Variants in AKAP6 observed in about 807,000 individuals in gnomAD.
The protein encoded by AKAP6 is A-kinase anchoring protein 6.
In AKAP6, 58 loss-of-function variants were observed where a neutral mutation model predicts 188.5. The observed-to-expected ratio is 0.31, with a 90% CI of 0.25 to 0.38. The LOEUF (loss-of-function observed/expected upper bound fraction) is 0.38. AKAP6 is among the 10% of genes least tolerant of loss of function. The pLI, the probability that AKAP6 is intolerant of heterozygous loss-of-function variation, is 1.00. For missense variants in AKAP6, 2,710 were observed against 2,740.0 expected, an observed-to-expected ratio of 0.99 and a Z score of 0.24; for synonymous variants, 989 against 998.6, an observed-to-expected ratio of 0.99 and a Z score of 0.18.
chr14:32,425,266 A>G (rs1236319917), intron 1 of AKAP6, among the ~76,000 whole-genome samples: 1 of 151,834 alleles, frequency 6.6e-6, no homozygotes, highest in South Asian at 2.1e-4. Flanking sequence ...TTTTTTTCAT[A>G]TGATTGTTGG....
intron 2 of AKAP6, among the ~76,000 whole-genome samples, chr14:32,499,184 G>C (rs1440047126): frequency 6.6e-6 from 1 of 152,102 alleles, no homozygotes; most frequent in African/African-American, 2.4e-5. Context: ...CATCTTGGCT[G>C]TTAGCAATGT....
intron 9 of AKAP6, among the ~76,000 whole-genome samples, chr14:32,701,118 A>G (rs973243793): frequency 6.6e-6 from 1 of 152,166 alleles, no homozygotes; most frequent in Non-Finnish European, 1.5e-5. Context: ...ATATAATACA[A>G]TGGCTACTAA....
chr14:32,823,053 CTGA>C lies in AKAP6; in HGVS notation c.5247_5249del (p.Asp1749del). The C allele has an allele frequency of 6.2e-7, 1 of 1,613,870 alleles. No individual in the cohort carries two copies. Among genetic ancestry groups the C allele is most frequent in the South Asian group, 1.1e-5 (1 of 91,080 alleles). ...AATGTCTCTTGCACCTCTGCTTGCA[CTGA>C]TGATGAAGATGACAGCGACCTGCTC... On this transcript the variant is annotated inframe_deletion, in exon 13 of 14. Transcript: ENST00000280979.
rs181287774 is a variant in AKAP6, at chr14:32,374,099, C to T, written c.-35+44691C>T. ...AAAACTTTGCGTAAGGAATAGCATACTTCTTAGTCTGGTGTTCAGTTTAAT... is the reference window on the plus strand; with the variant it reads ...AAAACTTTGCGTAAGGAATAGCATATTTCTTAGTCTGGTGTTCAGTTTAAT... On this transcript the variant is annotated intron_variant, in intron 1 of 13. Coordinates refer to ENST00000280979, the MANE Select transcript of AKAP6 (RefSeq NM_004274.5). Among the ~76,000 whole-genome samples, 15 of 152,308 alleles carry T rather than the reference C, an allele frequency of 9.8e-5. No homozygotes were observed. The South Asian group carries it at 2.1e-3, about 21-fold the overall frequency.
In AKAP6 at chr14:32,476,784, C is replaced by G. The variant is rs139699389; in HGVS notation, c.324+42967C>G. 2.4e-3 allele frequency among the ~76,000 whole-genome samples: 362 copies of G among 152,250 alleles called. 1 individual carries two copies. The highest frequency in any genetic ancestry group is 8.3e-3 in the African/African-American group (345 of 41,552). On this transcript the variant is annotated intron_variant, in intron 2 of 13. Transcript: ENST00000280979. ...AAAGTGAAGCATTTATAGCAGGATG[C>G]CAAGCAAGGAGAATCAGCAGCTCAC...
At chr14:32,346,730 G>A (rs1264990202) in intron 1 of AKAP6, among the ~76,000 whole-genome samples, 13 of 152,144 alleles carry the variant, frequency 8.5e-5, no homozygotes, top group Non-Finnish European at 1.0e-4. Context: ...GGATGGTCTC[G>A]ATCTCCTGAC....
intron 7 of AKAP6, among the ~76,000 whole-genome samples, chr14:32,609,182 T>G (rs1375983593): frequency 6.6e-6 from 1 of 152,158 alleles, no homozygotes; most frequent in Non-Finnish European, 1.5e-5. Context: ...CTCAGCACCC[T>G]AAATACTCCA....
In AKAP6 at chr14:32,730,140, CT is replaced by C. The variant is rs371403119; in HGVS notation, c.3001-2312del. Among the ~76,000 whole-genome samples the C allele has an allele frequency of 1.4e-4, 21 of 152,212 alleles. No individual in the cohort carries two copies. In the East Asian group the frequency reaches 3.9e-3, roughly 28 times the overall value. ...CATATTAGATTTAACCTTCAATATG[CT>C]TCAAAAATTAAAATAAATATTTTCA... On this transcript the variant is annotated intron_variant, in intron 9 of 13. Coordinates refer to ENST00000280979, the MANE Select transcript of AKAP6 (RefSeq NM_004274.5).
intron 11 of AKAP6, among the ~76,000 whole-genome samples, chr14:32,752,147 A>G (rs2032163079): frequency 6.6e-6 from 1 of 152,230 alleles, no homozygotes; most frequent in South Asian, 2.1e-4. Flanking sequence ...CCAAAGGGAA[A>G]TTGTAGATTT....
intron 1 of AKAP6, among the ~76,000 whole-genome samples, chr14:32,333,627 C>T (rs555622842): frequency 1.7e-4 from 26 of 152,162 alleles, no homozygotes; most frequent in Admixed American, 1.2e-3. Flanking sequence ...GGTAAACTTA[C>T]TGCATTAAAT....
At chr14:32,697,825 A>G (rs909662121) in intron 9 of AKAP6, among the ~76,000 whole-genome samples, 4 of 152,110 alleles carry the variant, frequency 2.6e-5, no homozygotes, top group East Asian at 1.9e-4. Context: ...CAGTTTCCTT[A>G]TAAGTGCTTT....
At chr14:32,801,732 T>A (rs1287752879) in intron 12 of AKAP6, among the ~76,000 whole-genome samples, 2 of 152,156 alleles carry the variant, frequency 1.3e-5, no homozygotes, top group African/African-American at 4.8e-5. Context: ...CCTGAGAAAG[T>A]TTTTATTTAT....
intron 2 of AKAP6, among the ~76,000 whole-genome samples, chr14:32,472,902 AAG>A (rs1877520976): frequency 6.6e-6 from 1 of 152,222 alleles, no homozygotes; most frequent in African/African-American, 2.4e-5. Context: ...AGGAAAAAAA[AAG>A]AGAAAATGAT....
intron 2 of AKAP6, among the ~76,000 whole-genome samples, chr14:32,455,437 T>C (rs1375981045): frequency 1.3e-5 from 2 of 152,216 alleles, no homozygotes; most frequent in Non-Finnish European, 2.9e-5. Context: ...AGTGCTTCTT[T>C]ATGTTAAATT....
chr14:32,455,332 GTT>G (rs1481485950), intron 2 of AKAP6, among the ~76,000 whole-genome samples: 6 of 151,984 alleles, frequency 3.9e-5, no homozygotes, highest in Admixed American at 6.5e-5. Flanking sequence ...TCTTTAAAGA[GTT>G]TTGCTTTTTA....
chr14:32,514,611 G>C (rs7140396), intron 2 of AKAP6, among the ~76,000 whole-genome samples: 4 of 151,984 alleles, frequency 2.6e-5, no homozygotes, highest in Non-Finnish European at 5.9e-5. Flanking sequence ...ACCTTGAAAC[G>C]CTCCAGAATT....
intron 5 of AKAP6, among the ~76,000 whole-genome samples, chr14:32,598,788 C>T (rs1018715993): frequency 6.6e-6 from 1 of 152,074 alleles, no homozygotes; most frequent in Non-Finnish European, 1.5e-5. Context: ...TTTTGGATAA[C>T]TATCATGAGT....
chr14:32,425,947 C>T (rs1281278254), intron 1 of AKAP6, among the ~76,000 whole-genome samples: 2 of 152,102 alleles, frequency 1.3e-5, no homozygotes, highest in African/African-American at 4.8e-5. Context: ...AATAGTATTG[C>T]CTAGGTTGTC....
chr14:32,792,834 G>A (rs1308250664), intron 12 of AKAP6, among the ~76,000 whole-genome samples: 1 of 152,180 alleles, frequency 6.6e-6, no homozygotes, highest in Non-Finnish European at 1.5e-5. Context: ...AAGTAGTGTT[G>A]AATTTTATCG....
Sources: gnomAD v4.1 joint callset for allele counts (sites outside exome capture counted in the v4.1 genomes callset) on GRCh38, gnomAD v4.1.1 for gene constraint, MANE v1.5 for transcripts, NCBI Gene and HGNC (gene_info 2026-07-23, HGNC 2026-07-21) for gene names.